Variants in ZRANB2 observed in about 807,000 individuals in gnomAD.
ZRANB2 encodes the protein zinc finger Ran-binding domain-containing protein 2.
Under a neutral mutation model 53.4 loss-of-function variants are expected in ZRANB2, and 19 were observed. The observed-to-expected ratio is 0.36, with a 90% CI of 0.25 to 0.52. The LOEUF (loss-of-function observed/expected upper bound fraction) is 0.52. ZRANB2 is among the 20% of genes least tolerant of loss of function. The pLI is 0.93. For synonymous variants in ZRANB2, 145 were observed against 134.8 expected, an observed-to-expected ratio of 1.08 and a Z score of -0.52; for missense variants, 309 against 401.1, an observed-to-expected ratio of 0.77 and a Z score of 1.96.
At chr1:71,067,940 A>C (rs988659957) in intron 8 of ZRANB2, among the ~76,000 whole-genome samples, 1 of 150,234 alleles carries the variant, frequency 6.7e-6, no homozygotes, top group African/African-American at 2.5e-5. Flanking sequence ...GCAGTAGCAT[A>C]AGCATGGCTC....
At chr1:71,071,458 A>T (rs1054772688) in intron 6 of ZRANB2, among the ~76,000 whole-genome samples, 2 of 152,080 alleles carry the variant, frequency 1.3e-5, no homozygotes, top group Non-Finnish European at 2.9e-5. Context: ...TTTCTTAAAA[A>T]CTTCAAAACT....
At chr1:71,080,116 G>A (rs529232204) in intron 1 of ZRANB2, among the ~76,000 whole-genome samples, 23 of 151,998 alleles carry the variant, frequency 1.5e-4, no homozygotes, top group African/African-American at 5.3e-4. Flanking sequence ...GCTAACTTAG[G>A]TACAACAAAT....
chr1:71,077,940 T>C (rs887092871), intron 3 of ZRANB2, among the ~76,000 whole-genome samples: 1 of 152,216 alleles, frequency 6.6e-6, no homozygotes, highest in Non-Finnish European at 1.5e-5. Context: ...ATAGGATTCA[T>C]CTGCATAGAG....
At chr1:71,079,238 T>G (rs1408108335) in intron 1 of ZRANB2, among the ~76,000 whole-genome samples, 1 of 152,036 alleles carries the variant, frequency 6.6e-6, no homozygotes, top group Non-Finnish European at 1.5e-5. Flanking sequence ...GTAAGAAAAC[T>G]GAGTTTTACA....
intron 9 of ZRANB2, chr1:71,066,472 G>T: frequency 4.4e-6 from 1 of 227,872 alleles, no homozygotes; most frequent in Non-Finnish European, 8.4e-6. Flanking sequence ...AAATTACTTC[G>T]ACATACAGCT....
At chr1:71,068,421 G>T in intron 8 of ZRANB2, among the ~76,000 whole-genome samples, 1 of 152,072 alleles carries the variant, frequency 6.6e-6, no homozygotes, top group East Asian at 1.9e-4. Context: ...ACTAAACAAA[G>T]AAAAATTTCC....
chr1:71,072,529 A>G lies in ZRANB2; in HGVS notation c.321T>C (p.Asn107=). Residue 107 remains asparagine (N), a synonymous_variant, in exon 5 of 10, where the codon AAT becomes AAC. Coordinates refer to ENST00000370920, the MANE Select transcript of ZRANB2 (RefSeq NM_203350.3). Reference sequence around the variant, plus strand: ...CTATATATTCAACATTTTCTCTTTCATTAAAACCACCACCATATCCTTAAA... The same window carrying G: ...CTATATATTCAACATTTTCTCTTTCGTTAAAACCACCACCATATCCTTAAA... ...EERTGYGGGF[N]ERENVEYIER... 6.2e-7 allele frequency: 1 copy of G among 1,607,512 alleles called. No homozygotes were observed.
chr1:71,079,864 T>A (rs1440210073), intron 1 of ZRANB2, among the ~76,000 whole-genome samples: 1 of 152,170 alleles, frequency 6.6e-6, no homozygotes, highest in Admixed American at 6.5e-5. Context: ...TTTGGTTCTA[T>A]TCAGTATCAT....
At chr1:71,080,287 G>A (rs12035210) in intron 1 of ZRANB2, among the ~76,000 whole-genome samples, 38,871 of 151,940 alleles carry the variant, frequency 0.26, 5,657 homozygotes, top group East Asian at 0.6. Flanking sequence ...ACTAACACAC[G>A]TGCTTCTCTG....
intron 1 of ZRANB2, among the ~76,000 whole-genome samples, chr1:71,080,420 C>T (rs1661813217): frequency 6.6e-6 from 1 of 152,034 alleles, no homozygotes; most frequent in South Asian, 2.1e-4. Context: ...GTCAGAATTT[C>T]CCAAACCGAA....
Position 71,065,084 on chromosome 1 carries a change from T to G in ZRANB2, c.983A>C (p.Lys328Thr), listed in dbSNP as rs2101038421. 1 of 1,609,834 alleles carries G rather than the reference T, an allele frequency of 6.2e-7. No individual in the cohort carries two copies. Among genetic ancestry groups the G allele is most frequent in the East Asian group, 2.2e-5 (1 of 44,720 alleles). Residue 328 changes from lysine to threonine, a missense_variant, in exon 10 of 10, where the codon AAA becomes ACA. Coordinates refer to ENST00000370920, the MANE Select transcript of ZRANB2 (RefSeq NM_203350.3). Reference sequence around the variant, plus strand: ...GTAAATTTTAATACATTATTTCTTTTTTGAACTTGAACGGGAACCAGAATG... The same window carrying G: ...GTAAATTTTAATACATTATTTCTTTGTTGAACTTGAACGGGAACCAGAATG... The part of the protein sequence containing the change: ...SSHSGSRSSS[K>T]KK
intron 8 of ZRANB2, among the ~76,000 whole-genome samples, chr1:71,068,525 C>A (rs1661512415): frequency 6.6e-6 from 1 of 151,994 alleles, no homozygotes; most frequent in South Asian, 2.1e-4. Context: ...AAGACCACAT[C>A]CTATCTCAAC....
At chr1:71,066,225 T>C (rs1433123701) in intron 9 of ZRANB2, 1 of 154,946 alleles carries the variant, frequency 6.5e-6, no homozygotes, top group Non-Finnish European at 1.4e-5. Context: ...ACAGATAAAG[T>C]AACCTAATAT....
intron 8 of ZRANB2, among the ~76,000 whole-genome samples, chr1:71,068,305 A>G (rs1661503672): frequency 6.6e-6 from 1 of 152,220 alleles, no homozygotes; most frequent in Non-Finnish European, 1.5e-5. Flanking sequence ...CCACAGTTAG[A>G]CTTCAATATG....
intron 1 of ZRANB2, among the ~76,000 whole-genome samples, chr1:71,080,562 G>A (rs1661817708): frequency 6.8e-6 from 1 of 147,128 alleles, no homozygotes; most frequent in South Asian, 2.1e-4. Flanking sequence ...CAAGAGTAAA[G>A]TTCTGCAGAG....
chr1:71,079,531 G>T (rs183568611), intron 1 of ZRANB2, among the ~76,000 whole-genome samples: 1 of 152,232 alleles, frequency 6.6e-6, no homozygotes, highest in East Asian at 1.9e-4. Context: ...TGACACTAAA[G>T]TGAAACACTC....
chr1:71,072,047 G>A (rs750273903), intron 6 of ZRANB2, 74 bp downstream of exon 6: 2 of 1,539,612 alleles, frequency 1.3e-6, no homozygotes, highest in Admixed American at 2.2e-5. Context: ...AAGTGTCTGA[G>A]GCTGTCAAAA....
At chr1:71,069,152 G>C (rs1661538107) in intron 8 of ZRANB2, 124 bp downstream of exon 8, 6 of 715,596 alleles carry the variant, frequency 8.4e-6, no homozygotes, top group East Asian at 2.8e-5. Flanking sequence ...AAGTGCATTA[G>C]TTTTCTAATG....
intron 8 of ZRANB2, chr1:71,067,866 T>C (rs1017252418): frequency 1.7e-5 from 5 of 294,678 alleles, no homozygotes; most frequent in Non-Finnish European, 3.3e-5. Context: ...AATAATTTGC[T>C]CTCTACTTCT....
Sources: gnomAD v4.1 joint callset for allele counts (sites outside exome capture counted in the v4.1 genomes callset) on GRCh38, gnomAD v4.1.1 for gene constraint, MANE v1.5 for transcripts, NCBI Gene and HGNC (gene_info 2026-07-23, HGNC 2026-07-21) for gene names.